CNTLN: variants seen among roughly 807,000 people sequenced by gnomAD.
The protein encoded by CNTLN is centlein, centrosomal protein.
CNTLN carries 212 observed loss-of-function variants against 180.0 expected under a neutral mutation model. That is an observed-to-expected ratio of 1.18 (90% confidence interval 1.05 to 1.32). CNTLN has a LOEUF of 1.32. Ranked by LOEUF, CNTLN falls within the 40% of genes most tolerant of loss-of-function variation. The pLI, the probability that CNTLN is intolerant of heterozygous loss-of-function variation, is 0.00. For synonymous variants in CNTLN, 722 were observed against 563.1 expected (o/e 1.28, Z -3.99); for missense variants, 2,095 against 1,610.9 (o/e 1.30, Z -5.14).
the CNTLN span, among the ~76,000 whole-genome samples, chr9:17,519,826 G>A: frequency 2.0e-5 from 3 of 152,258 alleles, no homozygotes; most frequent in South Asian, 2.1e-4. Flanking sequence ...CAATGTCAGC[G>A]GAATGCATTA....
chr9:17,423,067 C>G (rs919400319), intron 18 of CNTLN, among the ~76,000 whole-genome samples: 5 of 152,182 alleles, frequency 3.3e-5, no homozygotes, highest in African/African-American at 1.2e-4. Context: ...TTGCCCCAAA[C>G]AAAAGGAGTC....
At chr9:17,468,082 C>A (rs1370123577) in intron 23 of CNTLN, among the ~76,000 whole-genome samples, 1 of 151,550 alleles carries the variant, frequency 6.6e-6, no homozygotes, top group South Asian at 2.1e-4. Flanking sequence ...GAGATCAAGT[C>A]CTTTGCAGCA....
At position 17,295,883 on chromosome 9, in the gene CNTLN, G is replaced by A. The variant is rs537944103; in HGVS notation, c.984-2307G>A. Among the ~76,000 whole-genome samples the A allele has an allele frequency of 3.2e-3, 486 of 152,042 alleles. 3 individuals carry two copies. Among genetic ancestry groups the A allele is most frequent in the Non-Finnish European group, 5.3e-3 (359 of 68,002 alleles). ...AGAGCATGCCCAGAAAATACCATGA[G>A]GTGGTAGAGAAAAATGTGCTTTTTC... On this transcript the variant is annotated intron_variant, in intron 6 of 25. Coordinates refer to ENST00000380647, the MANE Select transcript of CNTLN (RefSeq NM_017738.4).
intron 18 of CNTLN, among the ~76,000 whole-genome samples, chr9:17,430,655 A>G (rs990757953): frequency 6.6e-6 from 1 of 152,012 alleles, no homozygotes; most frequent in Non-Finnish European, 1.5e-5. Flanking sequence ...TATTCCTTCT[A>G]TGTAACTGTA....
At chr9:17,141,365 C>T (rs1201732030) in intron 1 of CNTLN, among the ~76,000 whole-genome samples, 1 of 152,042 alleles carries the variant, frequency 6.6e-6, no homozygotes, top group Non-Finnish European at 1.5e-5. Context: ...GGGGAGAATT[C>T]ACTTGAGATA....
At position 17,135,090 on chromosome 9, in the gene CNTLN, C is replaced by A. The variant is rs765199687; in HGVS notation, c.25C>A (p.Pro9Thr). 4.4e-6 allele frequency: 7 copies of A among 1,603,266 alleles called. No homozygotes were observed. The Admixed American group carries it at 1.0e-4, about 23-fold the overall frequency. Reference protein sequence around the residue: MAARSPPSPHPSPPARQLG... With the variant: MAARSPPSTHPSPPARQLG... ...CATGGCGGCGCGTTCGCCTCCCTCA[C>A]CGCACCCTTCGCCCCCAGCGCGACA... Residue 9 changes from proline (P) to threonine (T), a missense_variant, in exon 1 of 26, where the codon CCG (proline) becomes ACG (threonine). By Grantham distance (38) the Pro-to-Thr change is conservative. Transcript: ENST00000380647.
chr9:17,295,989 AGAGAGAGAGTGTGTGTGTGTGTGTGTGT>A (rs879409601), intron 6 of CNTLN, among the ~76,000 whole-genome samples: 1,290 of 83,470 alleles, frequency 0.015, 20 homozygotes, highest in African/African-American at 0.066. Context: ...AGAGAGAGAG[AGAGAGAGAGTGTGTGTGTGTGTGTGTGT>A]GTGTGTGTGT....
chr9:17,185,311 G>C (rs936012837), intron 2 of CNTLN, among the ~76,000 whole-genome samples: 5 of 152,144 alleles, frequency 3.3e-5, no homozygotes, highest in Non-Finnish European at 5.9e-5. Flanking sequence ...TTCAACTTCT[G>C]GTACGTGTTC....
chr9:17,199,137 C>T (rs2131862764), intron 2 of CNTLN, among the ~76,000 whole-genome samples: 1 of 151,728 alleles, frequency 6.6e-6, no homozygotes, highest in South Asian at 2.1e-4. Flanking sequence ...CTAATTTATA[C>T]TGCCACCAAC....
At chr9:17,142,919 G>C (rs1317895243) in intron 1 of CNTLN, among the ~76,000 whole-genome samples, 3 of 152,172 alleles carry the variant, frequency 2.0e-5, no homozygotes, top group Non-Finnish European at 2.9e-5. Context: ...GCATTATAGA[G>C]TGAATGGGAG....
rs141424788 is a variant in CNTLN at position 17,343,946 on chromosome 9, C to T, written c.1886+1502C>T. On this transcript the variant is annotated intron_variant, in intron 12 of 25. Transcript: ENST00000380647. ...TAAATGGCATCATTTAGTACGTGGT[C>T]CTAGACTATCTTCTTTCACTTAGCA... 4.9e-3 allele frequency among the ~76,000 whole-genome samples: 752 copies of T among 152,194 alleles called. 3 individuals carry two copies. Among genetic ancestry groups the T allele is most frequent in the African/African-American group, 0.017 (700 of 41,524 alleles).
intron 2 of CNTLN, among the ~76,000 whole-genome samples, chr9:17,199,501 A>T (rs1238131755): frequency 1.3e-5 from 2 of 152,078 alleles, no homozygotes; most frequent in Non-Finnish European, 2.9e-5. Context: ...GTAAGCCACC[A>T]TGCCCAGCTT....
At chr9:17,149,512 CTTTTTTTT>C (rs55691769) in intron 2 of CNTLN, among the ~76,000 whole-genome samples, 14 of 106,146 alleles carry the variant, frequency 1.3e-4, no homozygotes, top group African/African-American at 2.6e-4. Context: ...TTCTTTCTTT[CTTTTTTTT>C]TTTTTTTTTT....
At chr9:17,307,067 C>T (rs1332165576) in intron 7 of CNTLN, among the ~76,000 whole-genome samples, 2 of 152,032 alleles carry the variant, frequency 1.3e-5, no homozygotes, top group Admixed American at 1.3e-4. Context: ...TTCTTGCCTC[C>T]TAGAATATTT....
At chr9:17,388,789 C>A in intron 14 of CNTLN, among the ~76,000 whole-genome samples, 1 of 150,864 alleles carries the variant, frequency 6.6e-6, no homozygotes, top group East Asian at 2.0e-4. Flanking sequence ...TCCATGTAAA[C>A]CTTAGTCATA....
At chr9:17,299,439 TTCTGA>T in intron 7 of CNTLN, 2 of 975,684 alleles carry the variant, frequency 2.0e-6, no homozygotes, top group African/African-American at 1.8e-5. Context: ...GGATTTTTAC[TTCTGA>T]TCTTACTTTT....
chr9:17,146,238 C>T (rs997751622), intron 2 of CNTLN, among the ~76,000 whole-genome samples: 3 of 152,140 alleles, frequency 2.0e-5, no homozygotes, highest in Non-Finnish European at 4.4e-5. Context: ...TTTGTTTTAG[C>T]ACTCTGTTAG....
chr9:17,142,610 A>G (rs962562099), intron 1 of CNTLN, among the ~76,000 whole-genome samples: 1 of 152,142 alleles, frequency 6.6e-6, no homozygotes, highest in African/African-American at 2.4e-5. Context: ...ACTTAAAATC[A>G]TGGGCCTGAT....
At chr9:17,397,905 A>T in intron 15 of CNTLN, among the ~76,000 whole-genome samples, 1 of 152,206 alleles carries the variant, frequency 6.6e-6, no homozygotes, top group Non-Finnish European at 1.5e-5. Context: ...TCAGCTGCAA[A>T]AGAATTCTCA....
Sources: allele counts gnomAD v4.1 joint callset (sites outside exome capture counted in the v4.1 genomes callset), GRCh38; gene constraint gnomAD v4.1.1; transcripts MANE v1.5; gene names NCBI Gene and HGNC (gene_info 2026-07-23, HGNC 2026-07-21).